Variants in VRK2 observed in about 807,000 individuals in gnomAD.
VRK2 encodes serine/threonine-protein kinase VRK2.
Under a neutral mutation model 57.6 loss-of-function variants are expected in VRK2, and 60 were observed. The observed-to-expected ratio is 1.04, with a 90% CI of 0.85 to 1.29. The LOEUF is 1.29. VRK2 is among the 50% of genes most tolerant of loss of function. The pLI, the probability that VRK2 is intolerant of heterozygous loss-of-function variation, is 0.00. For synonymous variants in VRK2, 231 were observed against 199.2 expected (o/e 1.16, Z -1.35); for missense variants, 705 against 588.1 (o/e 1.20, Z -2.06).
chr2:58,021,246 G>T (rs1033437461), intron 1 of VRK2, among the ~76,000 whole-genome samples: 5 of 151,876 alleles, frequency 3.3e-5, no homozygotes, highest in African/African-American at 1.2e-4. Context: ...ATTAAAATGT[G>T]ATTTTTTTTT....
chr2:58,043,777 A>T (rs763055419), upstream of VRK2, among the ~76,000 whole-genome samples: 5 of 152,208 alleles, frequency 3.3e-5, no homozygotes, highest in Non-Finnish European at 5.9e-5. Context: ...TATGTTAATT[A>T]TATGTTTGAC....
At chr2:57,912,041 C>A (rs1462555419) in intron 1 of VRK2, among the ~76,000 whole-genome samples, 1 of 152,134 alleles carries the variant, frequency 6.6e-6, no homozygotes, top group Non-Finnish European at 1.5e-5. Context: ...CATAAAAGGG[C>A]TGGATTTACA....
At chr2:57,989,832 A>T (rs189651055) in intron 1 of VRK2, among the ~76,000 whole-genome samples, 66 of 152,328 alleles carry the variant, frequency 4.3e-4, no homozygotes, top group African/African-American at 1.3e-3. Context: ...TATTTTAAGA[A>T]AAATATATCT....
chr2:57,922,419 C>CACTA (rs1670378439), intron 1 of VRK2, among the ~76,000 whole-genome samples: 19 of 87,316 alleles, frequency 2.2e-4, no homozygotes, highest in African/African-American at 8.5e-4. Flanking sequence ...ACCACAATCA[C>CACTA]GCTAACATAA....
At chr2:58,084,592 G>T (rs1286556904) in intron 3 of VRK2, among the ~76,000 whole-genome samples, 2 of 151,846 alleles carry the variant, frequency 1.3e-5, no homozygotes, top group African/African-American at 2.4e-5. Context: ...ATATGTTTAT[G>T]TATACAGTTC....
At chr2:58,137,201 T>TATATGATA (rs1558687059) in intron 10 of VRK2, among the ~76,000 whole-genome samples, 4 of 26,038 alleles carry the variant, frequency 1.5e-4, no homozygotes, top group African/African-American at 7.4e-4. Context: ...TACATATATA[T>TATATGATA]CTCATATATG....
At chr2:58,117,668 A>G (rs1212168361) in intron 7 of VRK2, among the ~76,000 whole-genome samples, 1 of 152,132 alleles carries the variant, frequency 6.6e-6, no homozygotes, top group Non-Finnish European at 1.5e-5. Context: ...GACAAGAATT[A>G]TTTAGATCTT....
chr2:58,159,223 G>A (rs1351039161), intron 12 of VRK2, 126 bp from the exon 13 acceptor site: 5 of 696,652 alleles, frequency 7.2e-6, no homozygotes, highest in Non-Finnish European at 9.1e-6. Context: ...TACTTCTCAG[G>A]AAAAATAACA....
intron 1 of VRK2, among the ~76,000 whole-genome samples, chr2:57,996,321 G>T (rs2104097747): frequency 6.6e-6 from 1 of 152,298 alleles, no homozygotes; most frequent in African/African-American, 2.4e-5. Context: ...GACATCCAGA[G>T]ATCCACAGAC....
At chr2:58,017,280 A>G (rs913319411) in intron 1 of VRK2, among the ~76,000 whole-genome samples, 2 of 152,182 alleles carry the variant, frequency 1.3e-5, no homozygotes, top group Admixed American at 6.5e-5. Context: ...CTATTAGTGA[A>G]TACTATTGCA....
At chr2:58,024,193 A>G (rs2103679450) in intron 1 of VRK2, among the ~76,000 whole-genome samples, 1 of 152,214 alleles carries the variant, frequency 6.6e-6, no homozygotes, top group Admixed American at 6.5e-5. Flanking sequence ...ACTCCCAGGA[A>G]AAGTACAAAG....
chr2:57,943,707 C>CT (rs1193997313), intron 1 of VRK2, among the ~76,000 whole-genome samples: 4 of 152,132 alleles, frequency 2.6e-5, no homozygotes, highest in Admixed American at 1.3e-4. Context: ...AAGGAGCAGA[C>CT]TTTTTTCCTT....
intron 2 of VRK2, among the ~76,000 whole-genome samples, chr2:58,053,563 T>C (rs1676070114): frequency 6.6e-6 from 1 of 152,202 alleles, no homozygotes; most frequent in Admixed American, 6.5e-5. Flanking sequence ...ACCACATACA[T>C]AGAATGTTTT....
chr2:58,025,380 G>A (rs570175265), intron 1 of VRK2, among the ~76,000 whole-genome samples: 51 of 151,890 alleles, frequency 3.4e-4, no homozygotes, highest in Non-Finnish European at 5.1e-4. Context: ...TGAGAAAGTC[G>A]TTTCCTTCTT....
intron 1 of VRK2, among the ~76,000 whole-genome samples, chr2:57,920,760 T>G (rs1385137094): frequency 6.6e-6 from 1 of 152,092 alleles, no homozygotes; most frequent in African/African-American, 2.4e-5. Context: ...CCTATTTGGT[T>G]GCAGAGATCA....
chr2:58,022,330 A>T (rs1673782558), intron 1 of VRK2, among the ~76,000 whole-genome samples: 1 of 152,224 alleles, frequency 6.6e-6, no homozygotes, highest in South Asian at 2.1e-4. Flanking sequence ...GAATTGAGTG[A>T]GCATGGAATG....
At chr2:58,118,963 C>T (rs1425510948) in intron 7 of VRK2, among the ~76,000 whole-genome samples, 1 of 152,082 alleles carries the variant, frequency 6.6e-6, no homozygotes, top group Admixed American at 6.5e-5. Context: ...GTTAATCACT[C>T]AGTTAAGGTG....
At chr2:58,090,806 C>T (rs1672273056) in intron 7 of VRK2, among the ~76,000 whole-genome samples, 1 of 152,054 alleles carries the variant, frequency 6.6e-6, no homozygotes, top group Admixed American at 6.6e-5. Context: ...TTGAAGTAAC[C>T]AAGATGTCTT....
intron 2 of VRK2, among the ~76,000 whole-genome samples, chr2:58,063,925 C>A (rs1243539064): frequency 2.6e-5 from 4 of 152,028 alleles, no homozygotes; most frequent in Non-Finnish European, 5.9e-5. Context: ...GTTTCCAACC[C>A]TTGTGGGTGA....
Sources: gnomAD v4.1 joint callset for allele counts (sites outside exome capture counted in the v4.1 genomes callset) on GRCh38, gnomAD v4.1.1 for gene constraint, MANE v1.5 for transcripts, NCBI Gene and HGNC (gene_info 2026-07-23, HGNC 2026-07-21) for gene names.